CFHR5: variants seen among roughly 807,000 people sequenced by gnomAD.
CFHR5 encodes the protein complement factor H related 5, also known as complement factor H-related protein 5.
CFHR5 carries 73 observed loss-of-function variants against 62.9 expected under a neutral mutation model. The observed-to-expected ratio is 1.16, with a 90% confidence interval of 0.96 to 1.41. CFHR5 has a LOEUF of 1.41. Among genes scored for constraint, CFHR5 ranks in the 40% most tolerant of loss-of-function variants. The probability of loss-of-function intolerance (pLI) is 0.00; values close to 1 mark genes in which losing one functional copy is unlikely to be tolerated. For missense variants in CFHR5, 779 were observed against 679.9 expected (o/e 1.15, Z -1.62); for synonymous variants, 249 against 227.2 (o/e 1.10, Z -0.86).
intron 9 of CFHR5, among the ~76,000 whole-genome samples, chr1:197,006,110 A>C (rs1654280615): frequency 6.6e-6 from 1 of 152,200 alleles, no homozygotes; most frequent in Non-Finnish European, 1.5e-5. Flanking sequence ...CCAATAATTT[A>C]AAATTCGCAG....
chr1:196,986,777 A>G (rs1653694748), intron 3 of CFHR5, among the ~76,000 whole-genome samples: 1 of 152,156 alleles, frequency 6.6e-6, no homozygotes, highest in Non-Finnish European at 1.5e-5. Flanking sequence ...ACTTACGGAC[A>G]TTTGGGCTAG....
In CFHR5 at chr1:196,977,707, A is replaced by G. The variant is rs1344501210; in HGVS notation, c.43A>G (p.Thr15Ala). The G allele has an allele frequency of 6.2e-7, 1 of 1,612,610 alleles. No homozygotes were observed. Among genetic ancestry groups the G allele is most frequent in the Non-Finnish European group, 8.5e-7 (1 of 1,178,904 alleles). ...TGTAATCCTAATCTCATGGGTATCC[A>G]CTGTTGGGGGAGAAGGTAAGTTGAA... ...FSVILISWVS[T>A]VGGEGTLCDF... The change falls in exon 1 of 10, where the codon ACT becomes GCT. Residue 15 changes from threonine to alanine, a missense_variant. Thr to Ala is a moderately conservative substitution (Grantham distance 58). Transcript: ENST00000256785.
chr1:197,002,879 C>T (rs1191959806), intron 8 of CFHR5, among the ~76,000 whole-genome samples: 3 of 152,292 alleles, frequency 2.0e-5, no homozygotes, highest in South Asian at 4.2e-4. Flanking sequence ...ATTTCTACAT[C>T]TTCTTAAAAA....
intron 1 of CFHR5, among the ~76,000 whole-genome samples, chr1:196,981,225 A>G (rs1353694384): frequency 3.3e-5 from 5 of 152,196 alleles, no homozygotes; most frequent in Admixed American, 2.0e-4. Flanking sequence ...TTCAGGAAAT[A>G]TCTTGAGCTA....
rs534018380 is a variant in CFHR5, at chr1:197,008,369, A to G, written c.1514-118A>G. 259 of 470,480 alleles carry G rather than the reference A, an allele frequency of 5.5e-4. 3 individuals carry two copies. Among genetic ancestry groups the G allele is most frequent in the Non-Finnish European group, 8.0e-4 (239 of 298,796 alleles). 29.1% of individuals were successfully genotyped at this position (470,480 alleles called of 1,614,324 possible). On this transcript the variant is annotated intron_variant, in intron 9 of 9. Coordinates refer to ENST00000256785, the MANE Select transcript of CFHR5 (RefSeq NM_030787.4). Reference sequence around the variant, plus strand: ...TCAATAAATATTATTTTTTAAATAAATATTAATATTTTTCATCATTTTAAT... The same window carrying G: ...TCAATAAATATTATTTTTTAAATAAGTATTAATATTTTTCATCATTTTAAT...
chr1:196,985,956 C>T (rs1653671542), intron 3 of CFHR5, among the ~76,000 whole-genome samples: 1 of 152,170 alleles, frequency 6.6e-6, no homozygotes, highest in African/African-American at 2.4e-5. Flanking sequence ...AGAAAAAGCA[C>T]ATATCTTATT....
At chr1:196,989,222 T>G (rs944043248) in intron 3 of CFHR5, among the ~76,000 whole-genome samples, 2 of 152,188 alleles carry the variant, frequency 1.3e-5, no homozygotes, top group Non-Finnish European at 2.9e-5. Flanking sequence ...GATATCCCCT[T>G]TATCATTTTT....
At chr1:196,986,382 A>G (rs564420114) in intron 3 of CFHR5, among the ~76,000 whole-genome samples, 1 of 151,882 alleles carries the variant, frequency 6.6e-6, no homozygotes, top group East Asian at 1.9e-4. Context: ...TTATATATAT[A>G]TATATACTTT....
At chr1:197,007,777 T>A (rs1307880982) in intron 9 of CFHR5, among the ~76,000 whole-genome samples, 2 of 147,520 alleles carry the variant, frequency 1.4e-5, no homozygotes, top group Non-Finnish European at 3.0e-5. Flanking sequence ...ATATGTTATG[T>A]ATAATATATT....
chr1:197,003,930 A>G (rs145410949), intron 8 of CFHR5, among the ~76,000 whole-genome samples: 2,050 of 152,254 alleles, frequency 0.013, 44 homozygotes, highest in African/African-American at 0.045. Context: ...TTACAAGTTT[A>G]AAGGTGAAAG....
intron 3 of CFHR5, among the ~76,000 whole-genome samples, chr1:196,992,068 T>C (rs777402833): frequency 6.6e-6 from 1 of 152,206 alleles, no homozygotes; most frequent in African/African-American, 2.4e-5. Context: ...TCCAGCTGCT[T>C]TGTTTACCTA....
intron 3 of CFHR5, among the ~76,000 whole-genome samples, chr1:196,989,372 A>G (rs1177953978): frequency 6.6e-6 from 1 of 152,014 alleles, no homozygotes; most frequent in African/African-American, 2.4e-5. Context: ...TATCTCCTTC[A>G]GTTCTGTTCT....
At position 196,977,742 on chromosome 1, in the gene CFHR5, G is replaced by A. The variant is rs749526784; in HGVS notation, c.58+20G>A. On this transcript the variant is annotated intron_variant, in intron 1 of 9. Transcript: ENST00000256785. ...GAGAAGGTAAGTTGAAAACAGATCC[G>A]AATATTTTAGTTCCTTTTCAAATGT... 24 of 1,562,034 alleles carry A rather than the reference G, an allele frequency of 1.5e-5. No homozygotes were observed. The highest frequency in any genetic ancestry group is 4.5e-5 in the South Asian group (4 of 89,804).
chr1:196,999,414 A>G (rs1654073761), intron 7 of CFHR5, among the ~76,000 whole-genome samples: 1 of 151,576 alleles, frequency 6.6e-6, no homozygotes, highest in African/African-American at 2.4e-5. Flanking sequence ...AATAATTCTC[A>G]CAACTTCAAA....
At chr1:196,981,695 C>T (rs1316241005) in intron 1 of CFHR5, among the ~76,000 whole-genome samples, 1 of 151,930 alleles carries the variant, frequency 6.6e-6, no homozygotes, top group Non-Finnish European at 1.5e-5. Flanking sequence ...TTTTCACCCC[C>T]AGCAGATACC....
chr1:196,993,405 C>T (rs1360233299), intron 3 of CFHR5, among the ~76,000 whole-genome samples: 1 of 152,088 alleles, frequency 6.6e-6, no homozygotes, highest in African/African-American at 2.4e-5. Flanking sequence ...AGTGATTCAC[C>T]TGCCTCAGCC....
chr1:196,999,724 CACACACACACATATATAT>C (rs200672804), intron 7 of CFHR5, among the ~76,000 whole-genome samples: 1,860 of 60,406 alleles, frequency 0.031, 70 homozygotes, highest in East Asian at 0.15. Flanking sequence ...TATATATATA[CACACACACACATATATAT>C]ACACACACAT....
chr1:197,006,739 AAAACCAGACAT>A (rs1039047467), intron 9 of CFHR5, among the ~76,000 whole-genome samples: 1 of 152,080 alleles, frequency 6.6e-6, no homozygotes, highest in African/African-American at 2.4e-5. Flanking sequence ...AATTTTTTCC[AAAACCAGACAT>A]AAATTTATTT....
chr1:196,976,799 C>CTTTTTTTTTTTTTTTTTTT (rs10588279), upstream of CFHR5, among the ~76,000 whole-genome samples: 12 of 98,142 alleles, frequency 1.2e-4, no homozygotes, highest in African/African-American at 5.6e-4. Context: ...AAAAATTATT[C>CTTTTTTTTTTTTTTTTTTT]TTTTTTTTTT....
Sources: allele counts gnomAD v4.1 joint callset (sites outside exome capture counted in the v4.1 genomes callset), GRCh38; gene constraint gnomAD v4.1.1; transcripts MANE v1.5; gene names NCBI Gene and HGNC (gene_info 2026-07-23, HGNC 2026-07-21).